CCSER1: variants seen among roughly 807,000 people sequenced by gnomAD.
CCSER1 encodes coiled-coil serine rich protein 1, also known as serine-rich coiled-coil domain-containing protein 1.
In CCSER1, 41 loss-of-function variants were observed where a neutral mutation model predicts 82.0. The ratio of observed to expected loss-of-function variants is 0.50; its 90% CI spans 0.39 to 0.65. The LOEUF is 0.65. Among genes scored for constraint, CCSER1 ranks in the 30% least tolerant of loss-of-function variants. The pLI is 0.00. For synonymous variants in CCSER1, 414 were observed against 383.9 expected (o/e 1.08, Z -0.92); for missense variants, 1,119 against 1,064.2 (o/e 1.05, Z -0.72).
intron 10 of CCSER1, among the ~76,000 whole-genome samples, chr4:91,120,498 G>A (rs1489133494): frequency 1.3e-5 from 2 of 151,956 alleles, no homozygotes; most frequent in Non-Finnish European, 2.9e-5. Flanking sequence ...CTGAGTGGAA[G>A]GGCTAACTGT....
intron 1 of CCSER1, among the ~76,000 whole-genome samples, chr4:90,303,732 T>C (rs891458813): frequency 6.6e-5 from 10 of 152,190 alleles, no homozygotes; most frequent in African/African-American, 2.4e-4. Flanking sequence ...ATTCAGGACA[T>C]AGGCATGCGC....
At chr4:90,735,736 T>C (rs1027163216) in intron 7 of CCSER1, among the ~76,000 whole-genome samples, 2 of 152,094 alleles carry the variant, frequency 1.3e-5, no homozygotes, top group Admixed American at 1.3e-4. Context: ...TGATCTGTAT[T>C]ATTTATTTTA....
In CCSER1 at chr4:90,583,698, C is replaced by T. The variant is rs537588014; in HGVS notation, c.1725-44327C>T. Among the ~76,000 whole-genome samples the T allele has an allele frequency of 4.5e-4, 68 of 151,954 alleles. 1 individual carries two copies. The highest frequency in any genetic ancestry group is 1.5e-3 in the African/African-American group (64 of 41,428). On this transcript the variant is annotated intron_variant, in intron 5 of 10. Coordinates refer to ENST00000509176, the MANE Select transcript of CCSER1 (RefSeq NM_001145065.2). ...TATCTCAAAGGTCACAATTTTCAAA[C>T]GAGAATACCTTTTTATGTGGTGTTT...
chr4:90,780,319 C>A, intron 7 of CCSER1: 1 of 1,016,762 alleles, frequency 9.8e-7, no homozygotes, highest in Non-Finnish European at 1.5e-6. Context: ...TGTCCTTTTA[C>A]GCTTCCCATC....
chr4:90,581,013 T>C (rs964822781), intron 5 of CCSER1, among the ~76,000 whole-genome samples: 55 of 152,258 alleles, frequency 3.6e-4, no homozygotes, highest in African/African-American at 1.3e-3. Context: ...TTCCAAAATA[T>C]TTTAGTTATT....
chr4:90,196,664 C>CACACACACACAT (rs1246698019), intron 1 of CCSER1, among the ~76,000 whole-genome samples: 4 of 151,222 alleles, frequency 2.6e-5, no homozygotes, highest in Non-Finnish European at 5.9e-5. Flanking sequence ...GATACACACA[C>CACACACACACAT]ACACACACAC....
intron 10 of CCSER1, among the ~76,000 whole-genome samples, chr4:91,221,793 C>A (rs1402506939): frequency 6.6e-6 from 1 of 151,992 alleles, no homozygotes; most frequent in African/African-American, 2.4e-5. Flanking sequence ...TGCTCTAATG[C>A]TGGAAACAGT....
intron 10 of CCSER1, among the ~76,000 whole-genome samples, chr4:91,349,990 C>A (rs919051398): frequency 1.3e-5 from 2 of 152,002 alleles, no homozygotes; most frequent in Non-Finnish European, 2.9e-5. Context: ...GACCTCACTT[C>A]TCTGATGTAT....
intron 6 of CCSER1, among the ~76,000 whole-genome samples, chr4:90,687,883 G>C (rs889109502): frequency 2.6e-5 from 4 of 152,132 alleles, no homozygotes; most frequent in African/African-American, 9.7e-5. Context: ...TGGAAAACAA[G>C]AGACAAAAAT....
intron 8 of CCSER1, among the ~76,000 whole-genome samples, chr4:90,854,729 T>C (rs572202395): frequency 6.6e-6 from 1 of 152,234 alleles, no homozygotes; most frequent in African/African-American, 2.4e-5. Context: ...TCAGAACTTT[T>C]TTTTTTAATT....
At chr4:90,421,710 A>T (rs954672808) in intron 4 of CCSER1, among the ~76,000 whole-genome samples, 1 of 152,194 alleles carries the variant, frequency 6.6e-6, no homozygotes, top group African/African-American at 2.4e-5. Context: ...GGGGAAAAAC[A>T]TAAAAAGCAT....
At chr4:91,182,337 G>A (rs1581726665) in intron 10 of CCSER1, among the ~76,000 whole-genome samples, 1 of 152,136 alleles carries the variant, frequency 6.6e-6, no homozygotes, top group African/African-American at 2.4e-5. Context: ...CCCAAATTTT[G>A]TTAACGGATC....
At chr4:91,442,950 A>G (rs36141735) in intron 10 of CCSER1, among the ~76,000 whole-genome samples, 7,187 of 152,220 alleles carry the variant, frequency 0.047, 251 homozygotes, top group Middle Eastern at 0.11. Context: ...TTAGAATGGC[A>G]ATCATTAAAA....
At chr4:90,893,790 T>TGGGGGG (rs1172805579) in intron 8 of CCSER1, among the ~76,000 whole-genome samples, 2 of 127,018 alleles carry the variant, frequency 1.6e-5, no homozygotes, top group Admixed American at 1.5e-4. Context: ...TGTGTGTGTG[T>TGGGGGG]GTGGGGGGTG....
At chr4:90,421,435 C>T (rs1380715146) in intron 4 of CCSER1, among the ~76,000 whole-genome samples, 2 of 152,070 alleles carry the variant, frequency 1.3e-5, no homozygotes, top group Non-Finnish European at 2.9e-5. Context: ...CTGATTGAAG[C>T]CATAATAGTG....
chr4:90,204,787 A>G (rs1036490167), intron 1 of CCSER1, among the ~76,000 whole-genome samples: 5 of 152,194 alleles, frequency 3.3e-5, no homozygotes, highest in Admixed American at 2.6e-4. Flanking sequence ...TTTGAGCAGT[A>G]TGGCCATTTT....
At chr4:90,800,923 A>G (rs1176524979) in intron 7 of CCSER1, among the ~76,000 whole-genome samples, 1 of 152,152 alleles carries the variant, frequency 6.6e-6, no homozygotes, top group Non-Finnish European at 1.5e-5. Flanking sequence ...ATAAGGAAAG[A>G]CTTGAGTAGT....
intron 1 of CCSER1, among the ~76,000 whole-genome samples, chr4:90,129,401 C>T (rs1460628181): frequency 6.6e-6 from 1 of 152,186 alleles, no homozygotes; most frequent in Non-Finnish European, 1.5e-5. Context: ...TTAAAGATGC[C>T]TTGGGACAGT....
At chr4:91,396,381 A>G (rs1299421171) in intron 10 of CCSER1, among the ~76,000 whole-genome samples, 1 of 152,132 alleles carries the variant, frequency 6.6e-6, no homozygotes, top group Admixed American at 6.6e-5. Context: ...GTTCAACTTC[A>G]GACTCTGGAA....
Sources: gnomAD v4.1 joint callset for allele counts (sites outside exome capture counted in the v4.1 genomes callset) on GRCh38, gnomAD v4.1.1 for gene constraint, MANE v1.5 for transcripts, NCBI Gene and HGNC (gene_info 2026-07-23, HGNC 2026-07-21) for gene names.